Variants in PRKCE observed in about 807,000 individuals in gnomAD.
The protein encoded by PRKCE is protein kinase C epsilon type.
A neutral mutation model predicts 85.4 loss-of-function variants in PRKCE; 16 were observed. The observed-to-expected ratio is 0.19, with a 90% CI of 0.13 to 0.28. The LOEUF (loss-of-function observed/expected upper bound fraction) is 0.28. PRKCE is among the 10% of genes least tolerant of loss of function. The pLI is 1.00. For synonymous variants in PRKCE, 388 were observed against 371.5 expected (o/e 1.04, Z -0.51); for missense variants, 573 against 975.2 (o/e 0.59, Z 5.49).
At chr2:46,132,169 C>CCAAA (rs899294289) in intron 11 of PRKCE, among the ~76,000 whole-genome samples, 1 of 152,030 alleles carries the variant, frequency 6.6e-6, no homozygotes, top group Non-Finnish European at 1.5e-5. Flanking sequence ...TTTGGGTTTC[C>CCAAA]CAAACACCAA....
Position 46,145,311 on chromosome 2 carries a change from C to A in PRKCE, c.1731+80C>A, listed in dbSNP as rs1675960209. 7.2e-6 allele frequency: 11 copies of A among 1,535,646 alleles called. 1 individual carries two copies. Among genetic ancestry groups the A allele is most frequent in the Non-Finnish European group, 8.9e-6 (10 of 1,128,268 alleles). ...GTCCAAACCCATGCACTGGGGTCAT[C>A]TAGTGGTGCTGGGGGAAGGCTCTGG... On this transcript the variant is annotated intron_variant, in intron 12 of 14. Transcript: ENST00000306156. The surrounding 1 kb of genome is among the most constrained non-coding windows in gnomAD (Gnocchi z 4.6).
chr2:45,756,098 G>C lies in PRKCE; in HGVS notation c.349-86902G>C, dbSNP rs529772530. On this transcript the variant is annotated intron_variant, in intron 1 of 14. Transcript: ENST00000306156. ...CAAGGACTATAGAGGCTGACCGCAG[G>C]GAAGAGTGGCTACAGAATTCTTAAA... Among the ~76,000 whole-genome samples, 5 of 152,296 alleles carry C rather than the reference G, an allele frequency of 3.3e-5. No individual in the cohort carries two copies. In the South Asian group the frequency reaches 1.0e-3, roughly 32 times the overall value.
chr2:46,182,747 C>T (rs1178373992), intron 14 of PRKCE, among the ~76,000 whole-genome samples: 3 of 152,216 alleles, frequency 2.0e-5, no homozygotes, highest in East Asian at 1.9e-4. Flanking sequence ...GCAGCTCACC[C>T]GGCCCACGTT....
intron 2 of PRKCE, among the ~76,000 whole-genome samples, chr2:45,914,230 A>G (rs927182651): frequency 3.3e-5 from 5 of 152,380 alleles, no homozygotes; most frequent in African/African-American, 7.2e-5. Context: ...ATTCAAAAAA[A>G]TAACAATGCA....
In PRKCE at chr2:45,786,417, C is replaced by T. The variant is rs1426119473; in HGVS notation, c.349-56583C>T. ...CATCAGTGAAGTTTGTATTCCCTACCGCAACTTCCGTTTCTGTACCCACCC... is the reference window on the plus strand; with the variant it reads ...CATCAGTGAAGTTTGTATTCCCTACTGCAACTTCCGTTTCTGTACCCACCC... On this transcript the variant is annotated intron_variant, in intron 1 of 14. Transcript: ENST00000306156. The surrounding 1 kb of genome is among the most constrained non-coding windows in gnomAD (Gnocchi z 5.3). Among the ~76,000 whole-genome samples, 5 of 152,192 alleles carry T rather than the reference C, an allele frequency of 3.3e-5. No individual in the cohort carries two copies. Among genetic ancestry groups the T allele is most frequent in the Admixed American group, 1.3e-4 (2 of 15,284 alleles).
rs1675279034 is a variant in PRKCE at position 46,139,243 on chromosome 2, T to C, written c.1593-5850T>C. Among the ~76,000 whole-genome samples, 1 of 152,152 alleles carries C rather than the reference T, an allele frequency of 6.6e-6. No individual in the cohort carries two copies. Among genetic ancestry groups the C allele is most frequent in the South Asian group, 2.1e-4 (1 of 4,828 alleles). On this transcript the variant is annotated intron_variant, in intron 11 of 14. Transcript: ENST00000306156. This position sits in a 1 kb window ranked among gnomAD's most constrained non-coding sequence, Gnocchi z 5.2. ...TACTAAAAAGGAAGAGGTAAATTAA[T>C]CATTAATAGCAGACAATTTGAAAAA...
chr2:45,723,531 G>A (rs142130564), intron 1 of PRKCE, among the ~76,000 whole-genome samples: 8 of 152,260 alleles, frequency 5.3e-5, no homozygotes, highest in East Asian at 1.9e-4. Flanking sequence ...ACGATTTACC[G>A]TTCCTTCTGC....
intron 10 of PRKCE, among the ~76,000 whole-genome samples, chr2:46,065,414 G>A (rs1218142480): frequency 6.6e-6 from 1 of 152,126 alleles, no homozygotes; most frequent in East Asian, 1.9e-4. Flanking sequence ...TTCACGTAAA[G>A]AATTTCTCTG....
At chr2:46,161,324 G>A (rs1322996690) in intron 14 of PRKCE, among the ~76,000 whole-genome samples, 3 of 152,248 alleles carry the variant, frequency 2.0e-5, no homozygotes, top group Admixed American at 6.5e-5. Context: ...TCAGATGGTA[G>A]GGTGAATTTT....
chr2:45,669,482 T>C (rs2103817356), intron 1 of PRKCE, among the ~76,000 whole-genome samples: 1 of 152,326 alleles, frequency 6.6e-6, no homozygotes, highest in Non-Finnish European at 1.5e-5. Flanking sequence ...GGCTGAAGCC[T>C]CTGCTCTGTG....
At chr2:45,822,450 G>A (rs1396884722) in intron 1 of PRKCE, among the ~76,000 whole-genome samples, 1 of 152,218 alleles carries the variant, frequency 6.6e-6, no homozygotes, top group African/African-American at 2.4e-5. Context: ...GGTGGCCCAG[G>A]TCCTGCCTGC....
chr2:46,126,426 A>G (rs546239320), intron 11 of PRKCE, among the ~76,000 whole-genome samples: 23 of 152,198 alleles, frequency 1.5e-4, no homozygotes, highest in African/African-American at 4.8e-4. Flanking sequence ...TAGGAGGGGC[A>G]CTGAACCCCC....
At chr2:45,670,136 G>T (rs958689184) in intron 1 of PRKCE, among the ~76,000 whole-genome samples, 6 of 152,164 alleles carry the variant, frequency 3.9e-5, no homozygotes, top group Admixed American at 3.9e-4. Flanking sequence ...TGAAGAGGTG[G>T]CTCTATGGAC....
intron 1 of PRKCE, among the ~76,000 whole-genome samples, chr2:45,783,603 A>G (rs1686366060): frequency 6.6e-6 from 1 of 152,200 alleles, no homozygotes; most frequent in African/African-American, 2.4e-5. Flanking sequence ...CTTACTGTTT[A>G]ATCCAACCTC....
intron 10 of PRKCE, among the ~76,000 whole-genome samples, chr2:46,059,442 T>C (rs1300050589): frequency 1.3e-5 from 2 of 152,242 alleles, no homozygotes; most frequent in Non-Finnish European, 2.9e-5. Flanking sequence ...GGGATGATTC[T>C]TGTCACTCCT....
At chr2:46,168,325 C>G (rs1451201560) in intron 14 of PRKCE, among the ~76,000 whole-genome samples, 9 of 152,288 alleles carry the variant, frequency 5.9e-5, no homozygotes, top group East Asian at 1.9e-4. Flanking sequence ...ATACAACTCA[C>G]CTGGGAGCAT....
At chr2:46,170,541 C>A (rs1678794081) in intron 14 of PRKCE, among the ~76,000 whole-genome samples, 1 of 152,212 alleles carries the variant, frequency 6.6e-6, no homozygotes, top group Non-Finnish European at 1.5e-5. Flanking sequence ...TAGAACAATT[C>A]CTGGCACATA....
Position 45,895,839 on chromosome 2 carries a change from G to A in PRKCE, c.412+52776G>A, listed in dbSNP as rs556084470. ...TAGAGGAAGTGCTGTAGGGCCGCAG[G>A]GGTTGGGGCTGTGATAGAGAAGGGT... On this transcript the variant is annotated intron_variant, in intron 2 of 14. Coordinates refer to ENST00000306156, the MANE Select transcript of PRKCE (RefSeq NM_005400.3). The surrounding 1 kb of genome is among the most constrained non-coding windows in gnomAD (Gnocchi z 4.8). Among the ~76,000 whole-genome samples, 13 of 152,292 alleles carry A rather than the reference G, an allele frequency of 8.5e-5. No homozygotes were observed. In the South Asian group the frequency reaches 2.1e-3, roughly 24 times the overall value.
intron 1 of PRKCE, among the ~76,000 whole-genome samples, chr2:45,733,481 A>G (rs929536697): frequency 6.6e-6 from 1 of 152,190 alleles, no homozygotes; most frequent in Non-Finnish European, 1.5e-5. Context: ...ATGTGATAAG[A>G]TGATAAAGGC....
Sources: allele counts gnomAD v4.1 joint callset (sites outside exome capture counted in the v4.1 genomes callset), GRCh38; gene constraint gnomAD v4.1.1; non-coding constraint Gnocchi (gnomAD v3.1); transcripts MANE v1.5; gene names NCBI Gene and HGNC (gene_info 2026-07-23, HGNC 2026-07-21).